NEK7: variants seen among roughly 807,000 people sequenced by gnomAD.
The protein encoded by NEK7 is serine/threonine-protein kinase Nek7.
A neutral mutation model predicts 44.6 loss-of-function variants in NEK7; 18 were observed. That is an observed-to-expected ratio of 0.40 (90% CI 0.28 to 0.60). The LOEUF (loss-of-function observed/expected upper bound fraction) is 0.60, where lower values mean the gene tolerates loss of function less well. Among genes scored for constraint, NEK7 ranks in the 20% least tolerant of loss-of-function variants. NEK7 has a pLI of 0.38. For synonymous variants in NEK7, 130 were observed against 121.1 expected, an observed-to-expected ratio of 1.07 and a Z score of -0.48; for missense variants, 256 against 366.5, an observed-to-expected ratio of 0.70 and a Z score of 2.46.
At chr1:198,306,783 T>C (rs886594753) in intron 9 of NEK7, among the ~76,000 whole-genome samples, 7 of 152,270 alleles carry the variant, frequency 4.6e-5, no homozygotes, top group African/African-American at 1.4e-4. Context: ...AGGTTACTTG[T>C]GATTTTTCCC....
chr1:198,202,887 TC>T (rs1319128955), intron 1 of NEK7, among the ~76,000 whole-genome samples: 2 of 152,204 alleles, frequency 1.3e-5, no homozygotes, highest in Non-Finnish European at 2.9e-5. Flanking sequence ...CAAATAACTC[TC>T]CCTTATCCCA....
At chr1:198,169,245 G>A (rs1246398960) in intron 1 of NEK7, among the ~76,000 whole-genome samples, 1 of 152,124 alleles carries the variant, frequency 6.6e-6, no homozygotes, top group Non-Finnish European at 1.5e-5. Context: ...GAAATAGGTA[G>A]CTAAATGAGA....
At chr1:198,314,668 G>C (rs927302205) in intron 9 of NEK7, among the ~76,000 whole-genome samples, 2 of 152,240 alleles carry the variant, frequency 1.3e-5, no homozygotes, top group African/African-American at 4.8e-5. Context: ...ACCCTCAGCT[G>C]CAAGTCTGTT....
rs779216637 is a variant in NEK7 at position 198,319,393 on chromosome 1, T to G, written c.799-19T>G. 5.1e-6 allele frequency: 8 copies of G among 1,581,784 alleles called. No homozygotes were observed. The highest frequency in any genetic ancestry group is 6.9e-6 in the Non-Finnish European group (8 of 1,156,950). ...AATAGTTGTCTTAATCAGGTTTTAT[T>G]GTTTTTCTTTCTTCACAGCTCCGAC... On this transcript the variant is annotated intron_variant, in intron 9 of 9. Transcript: ENST00000367385.
chr1:198,266,906 A>G lies in NEK7; in HGVS notation c.372+2671A>G, dbSNP rs557573581. Among the ~76,000 whole-genome samples, 9 of 151,792 alleles carry G rather than the reference A, an allele frequency of 5.9e-5. 1 individual carries two copies. In the East Asian group the frequency reaches 1.6e-3, roughly 26 times the overall value. Reference sequence around the variant, plus strand: ...GCATCATACAAATCTACCCTTTTCTACTCTTCAAAGTTGACTTTATTCCTC... The same window carrying G: ...GCATCATACAAATCTACCCTTTTCTGCTCTTCAAAGTTGACTTTATTCCTC... On this transcript the variant is annotated intron_variant, in intron 5 of 9. Transcript: ENST00000367385.
Position 198,292,604 on chromosome 1 carries a change from T to C in NEK7, c.590-341T>C, listed in dbSNP as rs527337299. The stretch of plus-strand genomic sequence containing the variant: ...AATTATTTGGGATATTCAAGCCATA[T>C]TTTTTTAAAAAAATAAAGCCAACAT... On this transcript the variant is annotated intron_variant, in intron 7 of 9. Transcript: ENST00000367385. Among the ~76,000 whole-genome samples, 152 of 152,092 alleles carry C rather than the reference T, an allele frequency of 1.0e-3. 2 individuals are homozygous for C. Among genetic ancestry groups the C allele is most frequent in the Middle Eastern group, 3.4e-3 (1 of 294 alleles).
intron 9 of NEK7, among the ~76,000 whole-genome samples, chr1:198,315,036 C>T (rs1019784579): frequency 1.3e-5 from 2 of 152,204 alleles, no homozygotes; most frequent in Non-Finnish European, 2.9e-5. Flanking sequence ...CCCAGCCTCG[C>T]CGCCACCTTG....
rs576744458 is a variant in NEK7 at position 198,310,902 on chromosome 1, G to A, written c.799-8510G>A. On this transcript the variant is annotated intron_variant, in intron 9 of 9. Transcript: ENST00000367385. ...CTCCAGCTTTGTTCTTTTCGCTTAG[G>A]ATTGACTTGGCGATGCGGGCTCTTT... 1.1e-4 allele frequency among the ~76,000 whole-genome samples: 17 copies of A among 150,094 alleles called. 1 individual carries two copies. The highest frequency in any genetic ancestry group is 2.5e-4 in the African/African-American group (10 of 40,622).
chr1:198,288,271 A>G (rs913588945), intron 7 of NEK7, among the ~76,000 whole-genome samples: 17 of 152,210 alleles, frequency 1.1e-4, no homozygotes, highest in Non-Finnish European at 1.3e-4. Context: ...TTGCTCTGGT[A>G]AGGAGCTATT....
rs150116322 is a variant in NEK7, at chr1:198,308,626, C to T, written c.799-10786C>T. On this transcript the variant is annotated intron_variant, in intron 9 of 9. Coordinates refer to ENST00000367385, the MANE Select transcript of NEK7 (RefSeq NM_133494.3). ...TACCAAGAAAATATGTGCTGAAGCACGACTCATGATTTCTCCCTCTTGCCT... is the reference window on the plus strand; with the variant it reads ...TACCAAGAAAATATGTGCTGAAGCATGACTCATGATTTCTCCCTCTTGCCT... Among the ~76,000 whole-genome samples, 271 of 152,330 alleles carry T rather than the reference C, an allele frequency of 1.8e-3. 2 individuals are homozygous for T. Among genetic ancestry groups the T allele is most frequent in the Non-Finnish European group, 2.6e-3 (178 of 68,020 alleles).
At chr1:198,246,089 A>C (rs759000692) in intron 2 of NEK7, among the ~76,000 whole-genome samples, 1 of 152,198 alleles carries the variant, frequency 6.6e-6, no homozygotes, top group African/African-American at 2.4e-5. Flanking sequence ...TGCTACCTAC[A>C]GTGGAATGTA....
intron 1 of NEK7, among the ~76,000 whole-genome samples, chr1:198,161,046 G>C (rs1459884190): frequency 6.6e-6 from 1 of 152,128 alleles, no homozygotes; most frequent in Non-Finnish European, 1.5e-5. Context: ...TAACTGCCCT[G>C]CCATACTATT....
intron 1 of NEK7, among the ~76,000 whole-genome samples, chr1:198,172,405 C>T (rs1399770490): frequency 6.6e-6 from 1 of 152,212 alleles, no homozygotes; most frequent in Non-Finnish European, 1.5e-5. Flanking sequence ...AGATAAAGAG[C>T]TCTGCTCTCT....
At chr1:198,294,919 TGTTAATA>T (rs1223798119) in intron 8 of NEK7, among the ~76,000 whole-genome samples, 1 of 152,204 alleles carries the variant, frequency 6.6e-6, no homozygotes, top group African/African-American at 2.4e-5. Context: ...TTCAATGTAC[TGTTAATA>T]GAAATAGCTA....
intron 7 of NEK7, among the ~76,000 whole-genome samples, chr1:198,291,223 CTG>C (rs1654542857): frequency 6.6e-6 from 1 of 152,200 alleles, no homozygotes; most frequent in African/African-American, 2.4e-5. Context: ...CCTGTGGATT[CTG>C]TGAAGCCTCT....
intron 2 of NEK7, among the ~76,000 whole-genome samples, chr1:198,249,084 C>T (rs1666914273): frequency 7.4e-6 from 1 of 134,972 alleles, no homozygotes; most frequent in Non-Finnish European, 1.5e-5. Context: ...TGTTCCCCTT[C>T]CTGTGTCCAT....
intron 1 of NEK7, among the ~76,000 whole-genome samples, chr1:198,193,071 A>G (rs1014310187): frequency 5.9e-5 from 9 of 152,038 alleles, no homozygotes; most frequent in South Asian, 4.1e-4. Context: ...AGCTAAACTA[A>G]TAAAGAAGAA....
chr1:198,270,207 A>G (rs1205843156), intron 5 of NEK7, among the ~76,000 whole-genome samples: 1 of 152,050 alleles, frequency 6.6e-6, no homozygotes, highest in Non-Finnish European at 1.5e-5. Flanking sequence ...AGTTCATTTC[A>G]CAAAATATAC....
chr1:198,285,142 A>G (rs1330262131), intron 7 of NEK7, among the ~76,000 whole-genome samples: 2 of 151,974 alleles, frequency 1.3e-5, no homozygotes. Flanking sequence ...CGTGTAATTT[A>G]CTTATTATGC....
Sources: gnomAD v4.1 joint callset for allele counts (sites outside exome capture counted in the v4.1 genomes callset) on GRCh38, gnomAD v4.1.1 for gene constraint, MANE v1.5 for transcripts, NCBI Gene and HGNC (gene_info 2026-07-23, HGNC 2026-07-21) for gene names.